The following OPA1 variants were observed in gnomAD, a reference collection of about 807,000 sequenced individuals.
OPA1 encodes OPA1 mitochondrial dynamin like GTPase.
A neutral mutation model predicts 152.9 loss-of-function variants in OPA1; 59 were observed. The ratio of observed to expected loss-of-function variants is 0.39; its 90% CI spans 0.31 to 0.48. The LOEUF is 0.48. OPA1 is among the 20% of genes least tolerant of loss of function. The pLI, the probability that OPA1 is intolerant of heterozygous loss-of-function variation, is 0.96. For synonymous variants in OPA1, 400 were observed against 389.9 expected, an observed-to-expected ratio of 1.03 and a Z score of -0.31; for missense variants, 1,008 against 1,216.8, an observed-to-expected ratio of 0.83 and a Z score of 2.55.
intron 30 of OPA1, 128 bp from the exon 31 acceptor site, chr3:193,694,478 T>C (rs1346368066): frequency 6.6e-6 from 1 of 152,244 alleles, no homozygotes; most frequent in African/African-American, 2.4e-5. Context: ...TATATAAGTT[T>C]AGTAAAACTA....
chr3:193,613,315 T>C (rs922506021), intron 1 of OPA1, among the ~76,000 whole-genome samples: 7 of 152,032 alleles, frequency 4.6e-5, no homozygotes, highest in African/African-American at 1.7e-4. Flanking sequence ...TATAGAAGTA[T>C]GGAGTCCTTC....
chr3:193,668,211 T>C lies in OPA1; in HGVS notation c.2983+931T>C, dbSNP rs1029135742. 9 of 753,174 alleles carry C rather than the reference T, an allele frequency of 1.2e-5. No homozygotes were observed. In the African/African-American group the frequency reaches 1.6e-4, roughly 13 times the overall value. 46.7% of individuals were successfully genotyped at this position (753,174 alleles called of 1,614,324 possible). On this transcript the variant is annotated intron_variant, in intron 29 of 30. Transcript: ENST00000361510. ...TTTCGATATTTGTCACTTGCTTTCC[T>C]GATAGAAAACGGGCTTCTAGTATCC...
chr3:193,669,832 T>C (rs181402531), intron 29 of OPA1, among the ~76,000 whole-genome samples: 5 of 152,344 alleles, frequency 3.3e-5, no homozygotes, highest in Admixed American at 1.3e-4. Flanking sequence ...AGTGGATTAC[T>C]AACTCAGATA....
intron 29 of OPA1, chr3:193,691,855 T>G (rs918448991): frequency 4.1e-6 from 2 of 489,024 alleles, no homozygotes; most frequent in Non-Finnish European, 7.5e-6. Context: ...AAGGGGTCAG[T>G]CAGTCTCTCC....
At chr3:193,685,270 C>A (rs928851206) in intron 29 of OPA1, among the ~76,000 whole-genome samples, 1 of 151,742 alleles carries the variant, frequency 6.6e-6, no homozygotes, top group African/African-American at 2.4e-5. Flanking sequence ...CCACTGCACT[C>A]CAGCCTGGAC....
chr3:193,658,957 A>G lies in OPA1; in HGVS notation c.2402A>G (p.Tyr801Cys). 6.2e-7 allele frequency: 1 copy of G among 1,613,924 alleles called. No homozygotes were observed. Among genetic ancestry groups the G allele is most frequent in the Non-Finnish European group, 8.5e-7 (1 of 1,179,848 alleles). The stretch of plus-strand genomic sequence containing the variant: ...AAACAGCAATGGGATGCAGCTATTT[A>G]TTTTATGGAAGAGGCTCTGCAGGCT... ...SDKQQWDAAI[Y>C]FMEEALQARL... The change falls in exon 24 of 31, where the codon TAT (tyrosine) becomes TGT (cysteine). Residue 801 changes from tyrosine to cysteine, a missense_variant. Around this residue, in one of 7 missense-constraint regions of OPA1, gnomAD observed 229 missense variants for 269.0 expected, o/e 0.85. Transcript: ENST00000361510.
In OPA1 at chr3:193,658,937, G is replaced by T; in HGVS notation, c.2382G>T (p.Gln794His). Residue 794 changes from glutamine to histidine, a missense_variant, in exon 24 of 31, where the codon CAG (glutamine) becomes CAT (histidine). By Grantham distance (24) the Gln-to-His change is conservative. Around this residue, in one of 7 missense-constraint regions of OPA1, gnomAD observed 229 missense variants for 269.0 expected, o/e 0.85. Coordinates refer to ENST00000361510, the MANE Select transcript of OPA1 (RefSeq NM_130837.3). Reference sequence around the variant, plus strand: ...AAGACCGATCCATATCTGATAAACAGCAATGGGATGCAGCTATTTATTTTA... The same window carrying T: ...AAGACCGATCCATATCTGATAAACATCAATGGGATGCAGCTATTTATTTTA... ...ALEDRSISDK[Q>H]QWDAAIYFME... The T allele has an allele frequency of 6.2e-7, 1 of 1,613,966 alleles. No individual in the cohort carries two copies. Among genetic ancestry groups the T allele is most frequent in the Non-Finnish European group, 8.5e-7 (1 of 1,179,886 alleles).
At chr3:193,684,018 T>G (rs1454034127) in intron 29 of OPA1, among the ~76,000 whole-genome samples, 2 of 152,164 alleles carry the variant, frequency 1.3e-5, no homozygotes, top group Non-Finnish European at 2.9e-5. Context: ...GCAGAGGTCA[T>G]TCCATCATTC....
At chr3:193,634,247 T>C (rs1020094570) in intron 8 of OPA1, among the ~76,000 whole-genome samples, 2 of 151,536 alleles carry the variant, frequency 1.3e-5, no homozygotes, top group African/African-American at 4.9e-5. Context: ...TCAAATTTAT[T>C]TGAGACGGAA....
chr3:193,645,676 A>C, intron 17 of OPA1, 51 bp downstream of exon 17: 1 of 1,607,718 alleles, frequency 6.2e-7, no homozygotes, highest in Non-Finnish European at 8.5e-7. Context: ...GTTGTTTTCA[A>C]ATAATAAAGA....
intron 1 of OPA1, among the ~76,000 whole-genome samples, chr3:193,612,361 G>A (rs1048301759): frequency 6.6e-6 from 1 of 150,824 alleles, no homozygotes; most frequent in Non-Finnish European, 1.5e-5. Flanking sequence ...GGTAGAGATG[G>A]ACAAAGAAGG....
chr3:193,609,949 T>C (rs989572786), intron 1 of OPA1, among the ~76,000 whole-genome samples: 3 of 152,014 alleles, frequency 2.0e-5, no homozygotes, highest in African/African-American at 7.2e-5. Flanking sequence ...CGAATTTTTT[T>C]CAAGGTTTTT....
intron 29 of OPA1, among the ~76,000 whole-genome samples, chr3:193,673,613 C>T (rs1718389599): frequency 6.6e-6 from 1 of 152,138 alleles, no homozygotes; most frequent in Non-Finnish European, 1.5e-5. Context: ...TTAATAAAAT[C>T]TGTGGAATCT....
At chr3:193,632,470 G>T (rs1186144200) in intron 8 of OPA1, among the ~76,000 whole-genome samples, 1 of 152,066 alleles carries the variant, frequency 6.6e-6, no homozygotes, top group Non-Finnish European at 1.5e-5. Context: ...GACAGAGCAA[G>T]ACTCCATCTC....
At chr3:193,657,810 A>T (rs552693097) in intron 23 of OPA1, among the ~76,000 whole-genome samples, 1 of 152,300 alleles carries the variant, frequency 6.6e-6, no homozygotes, top group African/African-American at 2.4e-5. Context: ...TGTTATGTAG[A>T]CTGCTCTCAC....
intron 11 of OPA1, 90 bp downstream of exon 11, chr3:193,638,155 C>A (rs1023187205): frequency 3.3e-6 from 3 of 914,392 alleles, no homozygotes; most frequent in African/African-American, 3.3e-5. Context: ...GGACTTTTAA[C>A]CAAAGAAAGA....
chr3:193,614,644 A>G (rs1023449504), intron 1 of OPA1, 79 bp from the exon 2 acceptor site: 3 of 1,018,380 alleles, frequency 2.9e-6, no homozygotes, highest in Non-Finnish European at 3.1e-6. Context: ...TGTTTCCTTT[A>G]GTATATTGCT....
intron 29 of OPA1, among the ~76,000 whole-genome samples, chr3:193,677,473 A>G (rs943743140): frequency 1.3e-5 from 2 of 152,036 alleles, no homozygotes; most frequent in African/African-American, 4.8e-5. Context: ...TGCATATTTG[A>G]TAGAAAAAGT....
chr3:193,645,946 T>C (rs949646983), intron 18 of OPA1, 146 bp downstream of exon 18: 9 of 698,848 alleles, frequency 1.3e-5, no homozygotes, highest in African/African-American at 3.6e-5. Flanking sequence ...CTGTATCTAA[T>C]AAACAAGTCC....
Sources: gnomAD v4.1 joint callset for allele counts (sites outside exome capture counted in the v4.1 genomes callset) on GRCh38, gnomAD v4.1.1 for gene constraint, gnomAD v4.1.1 regional missense constraint, MANE v1.5 for transcripts, NCBI Gene and HGNC (gene_info 2026-07-23, HGNC 2026-07-21) for gene names.